The following NUP93 variants were observed in gnomAD, a reference collection of about 807,000 sequenced individuals.
NUP93 encodes the protein nucleoporin 93.
A neutral mutation model predicts 107.8 loss-of-function variants in NUP93; 55 were observed. The observed-to-expected ratio is 0.51, with a 90% CI of 0.41 to 0.64. The LOEUF (loss-of-function observed/expected upper bound fraction) is 0.64, where lower values mean the gene tolerates loss of function less well. Among genes scored for constraint, NUP93 ranks in the 30% least tolerant of loss-of-function variants. The probability of loss-of-function intolerance (pLI) is 0.00; values close to 1 mark genes in which losing one functional copy is unlikely to be tolerated. For missense variants in NUP93, 937 were observed against 1,044.7 expected, an observed-to-expected ratio of 0.90 and a Z score of 1.42; for synonymous variants, 390 against 397.5, an observed-to-expected ratio of 0.98 and a Z score of 0.22.
chr16:56,819,782 T>G (rs1236498837), intron 6 of NUP93, among the ~76,000 whole-genome samples: 1 of 152,208 alleles, frequency 6.6e-6, no homozygotes, highest in Admixed American at 6.5e-5. Flanking sequence ...TCTTTTACCC[T>G]TTGTTGAGAG....
intron 3 of NUP93, among the ~76,000 whole-genome samples, chr16:56,786,474 A>G (rs768330907): frequency 5.9e-5 from 9 of 152,160 alleles, no homozygotes; most frequent in Non-Finnish European, 1.0e-4. Flanking sequence ...TGATTGATCT[A>G]ATGGATTGAG....
rs1964137450 is a variant in NUP93 at position 56,848,232 on chromosome 16, C to T, written c.*3623C>T. The T allele has an allele frequency of 1.3e-5, 2 of 152,222 alleles. No individual in the cohort carries two copies. Among genetic ancestry groups the T allele is most frequent in the African/African-American group, 4.8e-5 (2 of 41,460 alleles). The allele number at this position is 152,222 out of a possible 1,614,324, so 9.4% of individuals were successfully genotyped here. On this transcript the variant is annotated 3_prime_UTR_variant, in exon 22 of 22. Coordinates refer to ENST00000308159, the MANE Select transcript of NUP93 (RefSeq NM_014669.5). ...CTGAGTCAGAAAATGAACCCCTGGG[C>T]TGGCGGGTTGACCCAGGCCTGACAA... is the stretch of plus-strand genomic sequence containing the variant.
At chr16:56,767,395 A>G (rs1233398032) in intron 3 of NUP93, among the ~76,000 whole-genome samples, 1 of 152,214 alleles carries the variant, frequency 6.6e-6, no homozygotes, top group Non-Finnish European at 1.5e-5. Flanking sequence ...AGACTAGACT[A>G]TTTGTTTAAT....
intron 3 of NUP93, chr16:56,782,004 G>A (rs1215137751): frequency 1.0e-6 from 1 of 985,308 alleles, no homozygotes; most frequent in Non-Finnish European, 1.2e-6. Flanking sequence ...AGCACTTGCA[G>A]AGGGGTTGTT....
At chr16:56,791,845 T>G (rs1567390253) in intron 3 of NUP93, among the ~76,000 whole-genome samples, 1 of 152,214 alleles carries the variant, frequency 6.6e-6, no homozygotes, top group African/African-American at 2.4e-5. Flanking sequence ...GCATTTATTG[T>G]TCTACAACAA....
At chr16:56,824,268 T>C (rs1372581288) in intron 8 of NUP93, among the ~76,000 whole-genome samples, 1 of 152,166 alleles carries the variant, frequency 6.6e-6, no homozygotes, top group Non-Finnish European at 1.5e-5. Context: ...TTTCCCCTTA[T>C]TTTTGTTCTG....
Position 56,755,252 on chromosome 16 carries a change from G to T in NUP93, c.180-3286G>T, listed in dbSNP as rs558727817. On this transcript the variant is annotated intron_variant, in intron 2 of 21. Transcript: ENST00000308159. ...CTGATGAATGGATACATAAAATGTGGTATGTCCATGCAGTGGAATACTGTT... is the reference window on the plus strand; with the variant it reads ...CTGATGAATGGATACATAAAATGTGTTATGTCCATGCAGTGGAATACTGTT... Among the ~76,000 whole-genome samples, 5 of 152,172 alleles carry T rather than the reference G, an allele frequency of 3.3e-5. No homozygotes were observed. The South Asian group carries it at 6.2e-4, about 19-fold the overall frequency.
At chr16:56,809,457 C>T (rs997403851) in intron 5 of NUP93, among the ~76,000 whole-genome samples, 8 of 152,140 alleles carry the variant, frequency 5.3e-5, no homozygotes, top group Admixed American at 6.5e-5. Context: ...TTTAAAATTA[C>T]GTTACAAAAA....
At chr16:56,741,509 C>A (rs1284880566) in intron 1 of NUP93, among the ~76,000 whole-genome samples, 1 of 152,082 alleles carries the variant, frequency 6.6e-6, no homozygotes, top group Admixed American at 6.5e-5. Context: ...ATCTTCTCAC[C>A]CATTCCGTCT....
chr16:56,785,049 G>C (rs1244154339), intron 3 of NUP93, among the ~76,000 whole-genome samples: 1 of 152,094 alleles, frequency 6.6e-6, no homozygotes, highest in Non-Finnish European at 1.5e-5. Context: ...TTAATTATGG[G>C]GACAGCATTT....
intron 5 of NUP93, among the ~76,000 whole-genome samples, chr16:56,806,430 A>G (rs1233775887): frequency 6.6e-6 from 1 of 152,044 alleles, no homozygotes; most frequent in Admixed American, 6.6e-5. Context: ...TTGCCGTGTA[A>G]CAGATTACTC....
chr16:56,800,881 A>G (rs1242957547), intron 4 of NUP93, among the ~76,000 whole-genome samples: 1 of 152,224 alleles, frequency 6.6e-6, no homozygotes, highest in Non-Finnish European at 1.5e-5. Context: ...CCTTTATGAA[A>G]ATGGGGTTCA....
intron 4 of NUP93, among the ~76,000 whole-genome samples, chr16:56,803,077 T>TG (rs1460210892): frequency 6.6e-6 from 1 of 152,096 alleles, no homozygotes; most frequent in Non-Finnish European, 1.5e-5. Flanking sequence ...TTGAGTAGCT[T>TG]GGTAGGCAGT....
In NUP93 at chr16:56,818,731, C is replaced by T. The variant is rs966758586; in HGVS notation, c.557C>T (p.Ala186Val). Residue 186 changes from alanine to valine, a missense_variant, in exon 6 of 22, where the codon GCG becomes GTG. Coordinates refer to ENST00000308159, the MANE Select transcript of NUP93 (RefSeq NM_014669.5). ...SSLDNIEMAY[A>V]RQIYIYNEKI... ...CTGGATAACATCGAGATGGCCTATG[C>T]GCGGCAAGTGAGTGTGATTTTAAGG... 11 of 1,613,516 alleles carry T rather than the reference C, an allele frequency of 6.8e-6. No homozygotes were observed. Among genetic ancestry groups the T allele is most frequent in the East Asian group, 4.5e-5 (2 of 44,894 alleles).
At chr16:56,823,136 C>T (rs1384818717) in intron 7 of NUP93, among the ~76,000 whole-genome samples, 1 of 152,132 alleles carries the variant, frequency 6.6e-6, no homozygotes, top group Non-Finnish European at 1.5e-5. Flanking sequence ...ACACCCGCTC[C>T]TTTCCTGGGA....
chr16:56,801,668 C>G (rs1406851406), intron 4 of NUP93, among the ~76,000 whole-genome samples: 1 of 152,142 alleles, frequency 6.6e-6, no homozygotes, highest in African/African-American at 2.4e-5. Flanking sequence ...CCGCCTGGGC[C>G]ATTTATTTTT....
chr16:56,800,010 C>G (rs558169426), intron 4 of NUP93, among the ~76,000 whole-genome samples: 14 of 152,288 alleles, frequency 9.2e-5, no homozygotes, highest in Non-Finnish European at 1.5e-4. Flanking sequence ...TGGCAAAACC[C>G]TGTCTCTACT....
chr16:56,829,893 C>T (rs1316019156), intron 9 of NUP93, among the ~76,000 whole-genome samples: 5 of 152,140 alleles, frequency 3.3e-5, no homozygotes, highest in African/African-American at 1.2e-4. Context: ...AGATAGGAGG[C>T]CTGAAGTCTA....
Position 56,845,594 on chromosome 16 carries a change from G to A in NUP93, c.*985G>A, listed in dbSNP as rs1964107284. 1.3e-5 allele frequency: 2 copies of A among 152,236 alleles called. No homozygotes were observed. The highest frequency in any genetic ancestry group is 4.8e-5 in the African/African-American group (2 of 41,448). The allele number at this position is 152,236 out of a possible 1,614,324, so 9.4% of individuals were successfully genotyped here. A position where few individuals can be genotyped will look rare whatever the true frequency, so the allele number is the denominator to read the frequency against. On this transcript the variant is annotated 3_prime_UTR_variant, in exon 22 of 22. Transcript: ENST00000308159. ...CCCCACCATCAGTCCCAAAGCCCTA[G>A]ACTAAACCAGAGAGCAAATTAGGTC...
Sources: gnomAD v4.1 joint callset for allele counts (sites outside exome capture counted in the v4.1 genomes callset) on GRCh38, gnomAD v4.1.1 for gene constraint, MANE v1.5 for transcripts, NCBI Gene and HGNC (gene_info 2026-07-23, HGNC 2026-07-21) for gene names.